Variants in NPHP1 observed in about 807,000 individuals in gnomAD.
NPHP1 encodes the protein nephrocystin 1, also known as nephrocystin-1.
A neutral mutation model predicts 90.4 loss-of-function variants in NPHP1; 70 were observed. That is an observed-to-expected ratio of 0.77 (90% CI 0.64 to 0.95). NPHP1 has a LOEUF of 0.95. NPHP1 is among the 40% of genes least tolerant of loss of function. The pLI, the probability that NPHP1 is intolerant of heterozygous loss-of-function variation, is 0.00. For missense variants in NPHP1, 764 were observed against 795.9 expected (o/e 0.96, Z 0.48); for synonymous variants, 256 against 271.7 (o/e 0.94, Z 0.57).
At chr2:110,199,200 T>C (rs930947423) in intron 2 of NPHP1, among the ~76,000 whole-genome samples, 3 of 151,838 alleles carry the variant, frequency 2.0e-5, no homozygotes, top group South Asian at 2.1e-4. Context: ...TGGGAGGCCA[T>C]GATGGGTGGA....
At chr2:110,157,894 T>C (rs1465487136) in intron 11 of NPHP1, among the ~76,000 whole-genome samples, 1 of 152,190 alleles carries the variant, frequency 6.6e-6, no homozygotes, top group African/African-American at 2.4e-5. Flanking sequence ...GGAAGGAGCT[T>C]TGACTGTAGA....
intron 4 of NPHP1, among the ~76,000 whole-genome samples, chr2:110,172,941 A>ATTTC (rs1377827398): frequency 1.3e-5 from 2 of 149,280 alleles, no homozygotes; most frequent in Non-Finnish European, 3.0e-5. Flanking sequence ...ACATGTAGTA[A>ATTTC]TTTCTTTTCT....
chr2:110,158,789 T>C, intron 11 of NPHP1, among the ~76,000 whole-genome samples: 1 of 152,066 alleles, frequency 6.6e-6, no homozygotes, highest in East Asian at 1.9e-4. Context: ...ATTCAAGTCT[T>C]TTGTCCCTTT....
chr2:110,166,874 C>G (rs1399012660), intron 6 of NPHP1, among the ~76,000 whole-genome samples: 3 of 152,026 alleles, frequency 2.0e-5, no homozygotes, highest in Admixed American at 2.0e-4. Context: ...TAGACCTGCC[C>G]TATGTAATAC....
At chr2:110,163,230 A>G in intron 8 of NPHP1, 95 bp from the exon 9 acceptor site, 1 of 889,752 alleles carries the variant, frequency 1.1e-6, no homozygotes, top group East Asian at 2.5e-5. Flanking sequence ...CCAAAAAAGA[A>G]AAATATAAAC....
At chr2:110,124,275 C>T in intron 19 of NPHP1, 1 of 622,910 alleles carries the variant, frequency 1.6e-6, no homozygotes. Context: ...GCAGTTCTCC[C>T]TGAGAGCCTC....
intron 2 of NPHP1, among the ~76,000 whole-genome samples, chr2:110,197,377 C>T (rs936684954): frequency 8.6e-5 from 13 of 152,026 alleles, no homozygotes; most frequent in Non-Finnish European, 1.6e-4. Context: ...GAAGGGGAAA[C>T]ATCAAACTGG....
At chr2:110,201,329 G>T in intron 2 of NPHP1, 92 bp downstream of exon 2, 2 of 851,450 alleles carry the variant, frequency 2.3e-6, no homozygotes, top group South Asian at 1.4e-5. Context: ...TCTTCCATTT[G>T]ATTCCAAAGG....
chr2:110,157,695 C>A (rs569851965), intron 11 of NPHP1, among the ~76,000 whole-genome samples: 1 of 152,210 alleles, frequency 6.6e-6, no homozygotes, highest in East Asian at 1.9e-4. Context: ...TTTTTACTCC[C>A]AGATATCTCT....
rs781112754 is a variant in NPHP1, at chr2:110,144,472, GACAAC to G, written c.1429+16_1429+20del. 6.6e-7 allele frequency: 1 copy of G among 1,504,422 alleles called. No individual in the cohort carries two copies. Among genetic ancestry groups the G allele is most frequent in the East Asian group, 2.3e-5 (1 of 44,294 alleles). 93.2% of individuals were successfully genotyped at this position (1,504,422 alleles called of 1,614,324 possible). On this transcript the variant is annotated intron_variant, in intron 15 of 19. Coordinates refer to ENST00000445609, the MANE Select transcript of NPHP1 (RefSeq NM_001128178.3). The stretch of plus-strand genomic sequence containing the variant: ...TTTGTTTAATCTTTAAGGAAAGGAA[GACAAC>G]ACATGAGAGCCATACCTCTTCTGGA...
chr2:110,184,136 T>A (rs1356212952), intron 2 of NPHP1: 1 of 553,994 alleles, frequency 1.8e-6, no homozygotes, highest in Admixed American at 1.9e-5. Context: ...GTTTTGCTGG[T>A]GATCAGATCC....
At chr2:110,185,970 C>T (rs1483769474) in intron 2 of NPHP1, among the ~76,000 whole-genome samples, 1 of 152,150 alleles carries the variant, frequency 6.6e-6, no homozygotes, top group Non-Finnish European at 1.5e-5. Flanking sequence ...CATCTTCAAA[C>T]AGTTTTATTT....
At chr2:110,139,029 C>G (rs929466378) in intron 16 of NPHP1, among the ~76,000 whole-genome samples, 1 of 152,082 alleles carries the variant, frequency 6.6e-6, no homozygotes, top group African/African-American at 2.4e-5. Flanking sequence ...AATATACTTC[C>G]TCCTGAATTC....
At chr2:110,150,284 C>A (rs746420425) in intron 11 of NPHP1, 28 bp from the exon 12 acceptor site, 2 of 1,604,178 alleles carry the variant, frequency 1.2e-6, no homozygotes, top group Non-Finnish European at 1.7e-6. Context: ...CTTTTGAAAT[C>A]ATGTAAAAAG....
At chr2:110,152,776 G>A (rs544409066) in intron 11 of NPHP1, among the ~76,000 whole-genome samples, 9 of 151,944 alleles carry the variant, frequency 5.9e-5, no homozygotes, top group East Asian at 3.9e-4. Flanking sequence ...TAAACTCTAC[G>A]TCAAGATCTG....
intron 3 of NPHP1, among the ~76,000 whole-genome samples, chr2:110,179,368 C>T (rs1683726054): frequency 6.6e-6 from 1 of 152,076 alleles, no homozygotes; most frequent in East Asian, 1.9e-4. Flanking sequence ...AAAATAGCTC[C>T]TTCCAGGATT....
intron 2 of NPHP1, among the ~76,000 whole-genome samples, chr2:110,194,679 C>A (rs1685020471): frequency 6.6e-6 from 1 of 152,122 alleles, no homozygotes; most frequent in Admixed American, 6.5e-5. Flanking sequence ...CATCCTGATA[C>A]CAAAGCCTGG....
At chr2:110,142,557 G>C (rs1680725314) in intron 16 of NPHP1, among the ~76,000 whole-genome samples, 1 of 150,694 alleles carries the variant, frequency 6.6e-6, no homozygotes, top group South Asian at 2.1e-4. Context: ...TTGCCATGTT[G>C]CCCAGGCTGG....
intron 1 of NPHP1, among the ~76,000 whole-genome samples, chr2:110,204,584 G>A (rs1408311053): frequency 6.6e-6 from 1 of 152,152 alleles, no homozygotes. Flanking sequence ...GGGAGATAAG[G>A]TGGGTTAGTG....
Sources: gnomAD v4.1 joint callset for allele counts (sites outside exome capture counted in the v4.1 genomes callset) on GRCh38, gnomAD v4.1.1 for gene constraint, MANE v1.5 for transcripts, NCBI Gene and HGNC (gene_info 2026-07-23, HGNC 2026-07-21) for gene names.